The following ASPH variants were observed in gnomAD, a reference collection of about 807,000 sequenced individuals.
ASPH encodes the protein aspartate beta-hydroxylase, also known as aspartyl/asparaginyl beta-hydroxylase.
A neutral mutation model predicts 118.4 loss-of-function variants in ASPH; 100 were observed. The observed-to-expected ratio is 0.84, with a 90% CI of 0.72 to 1.00. The LOEUF (loss-of-function observed/expected upper bound fraction) is 1.00, where lower values mean the gene tolerates loss of function less well. ASPH is among the 50% of genes least tolerant of loss of function. ASPH has a pLI of 0.00. For missense variants in ASPH, 920 were observed against 919.5 expected (o/e 1.00, Z -0.01); for synonymous variants, 315 against 325.6 (o/e 0.97, Z 0.35).
chr8:61,663,814 C>A, intron 3 of ASPH: 1 of 981,808 alleles, frequency 1.0e-6, no homozygotes, highest in South Asian at 4.7e-5. Context: ...AAGTTTCTGT[C>A]AACTAAATGT....
At chr8:61,609,185 G>C (rs1846529956) in intron 14 of ASPH, among the ~76,000 whole-genome samples, 1 of 152,170 alleles carries the variant, frequency 6.6e-6, no homozygotes, top group Non-Finnish European at 1.5e-5. Context: ...ACGTGGCAGG[G>C]CTAGCGACGG....
chr8:61,644,803 C>T (rs1356799866), intron 6 of ASPH, among the ~76,000 whole-genome samples, 171 bp from the exon 7 acceptor site: 1 of 152,142 alleles, frequency 6.6e-6, no homozygotes, highest in Non-Finnish European at 1.5e-5. Context: ...TAGAAGTACA[C>T]TGTGGGATGT....
chr8:61,714,077 G>T (rs953893490), intron 1 of ASPH, among the ~76,000 whole-genome samples, 192 bp downstream of exon 1: 1 of 152,322 alleles, frequency 6.6e-6, no homozygotes, highest in African/African-American at 2.4e-5. Flanking sequence ...ACCCCGGTCC[G>T]CCTGGCCCCT....
At chr8:61,636,436 T>C (rs1041758631) in intron 12 of ASPH, among the ~76,000 whole-genome samples, 1 of 152,168 alleles carries the variant, frequency 6.6e-6, no homozygotes, top group Non-Finnish European at 1.5e-5. Context: ...CAAGTATATA[T>C]TGATACAACC....
chr8:61,708,876 C>T (rs561562761), intron 1 of ASPH, among the ~76,000 whole-genome samples: 182 of 135,578 alleles, frequency 1.3e-3, no homozygotes, highest in Non-Finnish European at 2.1e-3. Context: ...TCCCACCCCC[C>T]AGCCCCCCAC....
intron 1 of ASPH, among the ~76,000 whole-genome samples, chr8:61,700,062 A>T (rs915652125): frequency 1.3e-5 from 2 of 152,196 alleles, no homozygotes; most frequent in Non-Finnish European, 2.9e-5. Context: ...GCTGACTGAC[A>T]CACAATGGGC....
intron 22 of ASPH, among the ~76,000 whole-genome samples, chr8:61,523,160 G>T (rs1003589467): frequency 6.6e-6 from 1 of 151,900 alleles, no homozygotes; most frequent in African/African-American, 2.4e-5. Context: ...AAGCAAACTG[G>T]TCACTCACCT....
intron 22 of ASPH, among the ~76,000 whole-genome samples, chr8:61,522,116 A>C (rs916415838): frequency 2.0e-5 from 3 of 152,370 alleles, no homozygotes; most frequent in Admixed American, 6.5e-5. Context: ...TAGACGTTCC[A>C]TAATATTCAC....
intron 10 of ASPH, among the ~76,000 whole-genome samples, chr8:61,638,615 CAT>C (rs1858992670): frequency 6.6e-6 from 1 of 152,120 alleles, no homozygotes; most frequent in Admixed American, 6.5e-5. Flanking sequence ...AAATTTTCTT[CAT>C]GTCTGTGGTG....
Position 61,714,297 on chromosome 8 carries a change from C to A in ASPH, c.75G>T (p.Ala25=). ...SSGSGSGSTS[A]GSSSPGARRE... ...TCCGGGCCCCGGGGCTGCTGCTGCC[C>A]GCACTCGTGCTACCGCTGCCGGAGC... Residue 25 remains alanine, a synonymous_variant, in exon 1 of 25, where the codon GCG becomes GCT. Coordinates refer to ENST00000379454, the MANE Select transcript of ASPH (RefSeq NM_004318.4). 1.3e-6 allele frequency: 2 copies of A among 1,522,082 alleles called. No homozygotes were observed. The highest frequency in any genetic ancestry group is 2.1e-4 in the Middle Eastern group (1 of 4,732). 94.3% of individuals were successfully genotyped at this position (1,522,082 alleles called of 1,614,324 possible).
In ASPH at chr8:61,616,066, T is replaced by C. The variant is rs575314401; in HGVS notation, c.976+2912A>G. ...TTCTGTCTATTCCTGCATTTCCCCC[T>C]TAATAAAATACTTTAGTTACAAACA... is the stretch of plus-strand genomic sequence containing the variant. On this transcript the variant is annotated intron_variant, in intron 14 of 24. Coordinates refer to ENST00000379454, the MANE Select transcript of ASPH (RefSeq NM_004318.4). 3.3e-5 allele frequency among the ~76,000 whole-genome samples: 5 copies of C among 152,350 alleles called. No individual in the cohort carries two copies. In the East Asian group the frequency reaches 9.6e-4, roughly 29 times the overall value.
intron 3 of ASPH, among the ~76,000 whole-genome samples, chr8:61,671,520 AAT>A (rs1217786806): frequency 1.3e-5 from 2 of 152,196 alleles, no homozygotes; most frequent in Non-Finnish European, 2.9e-5. Flanking sequence ...AATATATTCC[AAT>A]TTAAGAAATA....
intron 13 of ASPH, among the ~76,000 whole-genome samples, chr8:61,621,330 A>G (rs1255214565): frequency 2.6e-5 from 3 of 114,930 alleles, no homozygotes; most frequent in Non-Finnish European, 3.5e-5. Context: ...AGCAAAAAAA[A>G]AAAAAGAAAA....
intron 1 of ASPH, chr8:61,684,790 G>A (rs1431900911): frequency 2.6e-5 from 4 of 152,126 alleles, no homozygotes; most frequent in African/African-American, 9.7e-5. Flanking sequence ...CACCTAAAGT[G>A]TCATTTATCG....
intron 6 of ASPH, among the ~76,000 whole-genome samples, chr8:61,646,003 A>G (rs772516104): frequency 2.6e-5 from 4 of 152,154 alleles, no homozygotes; most frequent in Non-Finnish European, 5.9e-5. Flanking sequence ...TGGGCAACAT[A>G]AGGAGACCTT....
chr8:61,670,613 C>CG (rs1293082724), intron 3 of ASPH, among the ~76,000 whole-genome samples: 1 of 151,622 alleles, frequency 6.6e-6, no homozygotes, highest in Non-Finnish European at 1.5e-5. Flanking sequence ...GAATTTTATC[C>CG]GGGTTTTGTT....
chr8:61,664,623 GA>G, intron 3 of ASPH: 1 of 986,428 alleles, frequency 1.0e-6, no homozygotes. Context: ...AGGAGTGAAG[GA>G]AAGGAGAGAG....
intron 3 of ASPH, chr8:61,658,729 C>G (rs1029495215): frequency 6.6e-6 from 1 of 152,130 alleles, no homozygotes; most frequent in Non-Finnish European, 1.5e-5. Context: ...CAGGTAACTT[C>G]CAAGGTAGTT....
chr8:61,708,104 A>C (rs952040574), intron 1 of ASPH, among the ~76,000 whole-genome samples: 1 of 152,212 alleles, frequency 6.6e-6, no homozygotes, highest in African/African-American at 2.4e-5. Flanking sequence ...GAATCTGATA[A>C]TGTTTCATTT....
Sources: allele counts gnomAD v4.1 joint callset (sites outside exome capture counted in the v4.1 genomes callset), GRCh38; gene constraint gnomAD v4.1.1; transcripts MANE v1.5; gene names NCBI Gene and HGNC (gene_info 2026-07-23, HGNC 2026-07-21).